PTBP1: variants seen among roughly 807,000 people sequenced by gnomAD.
PTBP1 encodes polypyrimidine tract-binding protein 1.
PTBP1 carries 8 observed loss-of-function variants against 59.8 expected under a neutral mutation model. The ratio of observed to expected loss-of-function variants is 0.13; its 90% CI spans 0.08 to 0.24. PTBP1 has a LOEUF of 0.24. Among genes scored for constraint, PTBP1 ranks in the 10% least tolerant of loss-of-function variants. The pLI is 1.00. For missense variants in PTBP1, 686 were observed against 767.0 expected (o/e 0.89, Z 1.25); for synonymous variants, 490 against 320.7 (o/e 1.53, Z -5.64).
chr19:806,701 C>A, intron 10 of PTBP1, 145 bp downstream of exon 10: 1 of 674,342 alleles, frequency 1.5e-6, no homozygotes, highest in Non-Finnish European at 2.3e-6. Flanking sequence ...AGCGCTGAGA[C>A]CCTCCTTTTC....
rs547205836 is a variant in PTBP1 at position 807,634 on chromosome 19, T to C, written c.1120-235T>C. 88 of 491,868 alleles carry C rather than the reference T, an allele frequency of 1.8e-4. No homozygotes were observed. The Admixed American group carries it at 2.8e-3, about 16-fold the overall frequency. 30.5% of individuals were successfully genotyped at this position (491,868 alleles called of 1,614,324 possible). A position where few individuals can be genotyped will look rare whatever the true frequency, so the allele number is the denominator to read the frequency against. On this transcript the variant is annotated intron_variant, in intron 10 of 14. Transcript: ENST00000356948. ...ACTGCACGGTACTTCTGCTTCCTGT[T>C]GTTGCTTGAAACAAAACAAAAACAT...
In PTBP1 at chr19:805,205, G is replaced by A. The variant is rs373419840; in HGVS notation, c.892+18G>A. On this transcript the variant is annotated intron_variant, in intron 8 of 14. Transcript: ENST00000356948. ...GGCCTTCGGTAAGAGGCTGCCCGAC[G>A]CGGCGCCAGTGTGCAGAGTGGTCTA... The A allele has an allele frequency of 1.1e-4, 177 of 1,611,802 alleles. No homozygotes were observed. Among genetic ancestry groups the A allele is most frequent in the Non-Finnish European group, 7.0e-5 (83 of 1,179,174 alleles).
chr19:800,440 G>A (rs551198206), intron 2 of PTBP1, among the ~76,000 whole-genome samples: 1 of 152,208 alleles, frequency 6.6e-6, no homozygotes, highest in African/African-American at 2.4e-5. Flanking sequence ...ATTCTCGAGG[G>A]AGCTGTAGTC....
chr19:799,306 G>A, intron 1 of PTBP1, 107 bp from the exon 2 acceptor site: 1 of 992,830 alleles, frequency 1.0e-6, no homozygotes, highest in Non-Finnish European at 1.6e-6. Flanking sequence ...CCCTGCGGAG[G>A]TGGCAGCTGC....
rs1200291931 is a variant in PTBP1, at chr19:811,722, C to T, written c.*896C>T. On this transcript the variant is annotated 3_prime_UTR_variant, in exon 15 of 15. Coordinates refer to ENST00000356948, the MANE Select transcript of PTBP1 (RefSeq NM_002819.5). ...GGGAGCCCCGGTCCTATCTTAGAGC[C>T]CCTGAGCTTCAGGGAAGGGGCGGGC... 1 of 152,438 alleles carries T rather than the reference C, an allele frequency of 6.6e-6. No homozygotes were observed. Among genetic ancestry groups the T allele is most frequent in the Non-Finnish European group, 1.5e-5 (1 of 68,050 alleles). The allele number at this position is 152,438 out of a possible 1,614,324, so 9.4% of individuals were successfully genotyped here. A position where few individuals can be genotyped will look rare whatever the true frequency, so the allele number is the denominator to read the frequency against.
intron 2 of PTBP1, among the ~76,000 whole-genome samples, chr19:800,395 C>T (rs1206135587): frequency 6.6e-6 from 1 of 152,142 alleles, no homozygotes; most frequent in South Asian, 2.1e-4. Flanking sequence ...GAAAGGGGGT[C>T]AGAACCTGGA....
intron 13 of PTBP1, among the ~76,000 whole-genome samples, chr19:809,791 T>C (rs1335081701): frequency 1.3e-5 from 2 of 151,980 alleles, no homozygotes; most frequent in East Asian, 1.9e-4. Flanking sequence ...CTCTTCCGGA[T>C]TGGGAGGTTG....
Position 811,585 on chromosome 19 carries a change from C to T in PTBP1, c.*759C>T, listed in dbSNP as rs1476861027. 6.6e-6 allele frequency: 1 copy of T among 152,348 alleles called. No homozygotes were observed. The highest frequency in any genetic ancestry group is 1.5e-5 in the Non-Finnish European group (1 of 68,028). The allele number at this position is 152,348 out of a possible 1,614,324, so 9.4% of individuals were successfully genotyped here. On this transcript the variant is annotated 3_prime_UTR_variant, in exon 15 of 15. Coordinates refer to ENST00000356948, the MANE Select transcript of PTBP1 (RefSeq NM_002819.5). ...AATGGTATGAGTGTAATCTAAACTT[C>T]CTTGTGGTATTACCTTGTATGCTGT...
chr19:806,217 G>A (rs1472408620), intron 9 of PTBP1, 191 bp from the exon 10 acceptor site: 8 of 538,224 alleles, frequency 1.5e-5, no homozygotes, highest in African/African-American at 4.1e-5. Flanking sequence ...AGAGGCGGGC[G>A]CTGGTGCAGG....
In PTBP1 at chr19:808,586, C is replaced by A; in HGVS notation, c.1287C>A (p.Pro429=). 1 of 1,604,622 alleles carries A rather than the reference C, an allele frequency of 6.2e-7. No individual in the cohort carries two copies. Among genetic ancestry groups the A allele is most frequent in the Non-Finnish European group, 8.5e-7 (1 of 1,177,184 alleles). Residue 429 remains proline, a synonymous_variant, in exon 13 of 15, where the codon CCC becomes CCA. Coordinates refer to ENST00000356948, the MANE Select transcript of PTBP1 (RefSeq NM_002819.5). This position sits in a 1 kb window ranked among gnomAD's most constrained non-coding sequence, Gnocchi z 4.7. ...ACGGGCACAAGCTGCACGGGAAGCC[C>A]ATCCGCATCACGCTCTCGAAGCACC... is the stretch of plus-strand genomic sequence containing the variant. ...HLNGHKLHGK[P]IRITLSKHQN... is the part of the protein sequence containing the mutation.
chr19:803,693 G>C (rs895876126), intron 3 of PTBP1, 57 bp downstream of exon 3: 4 of 1,462,654 alleles, frequency 2.7e-6, no homozygotes, highest in African/African-American at 2.8e-5. Flanking sequence ...CTGGAACAAC[G>C]TTACGTTCTT....
At chr19:804,479 C>T (rs773351976) in intron 5 of PTBP1, 41 bp downstream of exon 5, 61 of 1,596,384 alleles carry the variant, frequency 3.8e-5, no homozygotes, top group Admixed American at 2.0e-4. Context: ...CCGGGGACCT[C>T]GGGGGTGGGC....
At chr19:801,509 C>G (rs951639939) in intron 2 of PTBP1, among the ~76,000 whole-genome samples, 4 of 152,234 alleles carry the variant, frequency 2.6e-5, no homozygotes, top group Non-Finnish European at 5.9e-5. Context: ...CCCACCACTC[C>G]AGTCAAAGAC....
rs916862722 is a variant in PTBP1, at chr19:802,578, C to T, written c.40-983C>T. ...ACGGGAGATGGAGGCTCCTTTGTTC[C>T]CTGGGATGGCCCTGTCCTGGGGGGC... On this transcript the variant is annotated intron_variant, in intron 2 of 14. Transcript: ENST00000356948. Among the ~76,000 whole-genome samples, 3 of 152,250 alleles carry T rather than the reference C, an allele frequency of 2.0e-5. No individual in the cohort carries two copies. In the East Asian group the frequency reaches 5.8e-4, roughly 29 times the overall value.
rs2034685578 is a variant in PTBP1, at chr19:808,495, G to C, written c.1246+43G>C. On this transcript the variant is annotated intron_variant, in intron 12 of 14. Coordinates refer to ENST00000356948, the MANE Select transcript of PTBP1 (RefSeq NM_002819.5). The surrounding 1 kb of genome is among the most constrained non-coding windows in gnomAD (Gnocchi z 4.7). ...CCCCGGGGTGGAGGGGGCAGGGGCG[G>C]GGGCTGCGTTCCCTCTCGGGCGCCT... is the stretch of plus-strand genomic sequence containing the variant. The C allele has an allele frequency of 5.8e-6, 9 of 1,558,556 alleles. No individual in the cohort carries two copies. The highest frequency in any genetic ancestry group is 7.8e-6 in the Non-Finnish European group (9 of 1,152,850).
chr19:809,064 A>G (rs1252975967), intron 13 of PTBP1, among the ~76,000 whole-genome samples: 1 of 152,186 alleles, frequency 6.6e-6, no homozygotes, highest in Non-Finnish European at 1.5e-5. Context: ...GCTGGAGTAC[A>G]GTGGAACGAT....
In PTBP1 at chr19:808,421, G is replaced by A; in HGVS notation, c.1215G>A (p.Val405=). The A allele has an allele frequency of 6.2e-7, 1 of 1,607,082 alleles. No homozygotes were observed. Among genetic ancestry groups the A allele is most frequent in the East Asian group, 2.2e-5 (1 of 44,704 alleles). Residue 405 remains valine (V), a synonymous_variant, in exon 12 of 15, where the codon GTG becomes GTA. Coordinates refer to ENST00000356948, the MANE Select transcript of PTBP1 (RefSeq NM_002819.5). The surrounding 1 kb of genome is among the most constrained non-coding windows in gnomAD (Gnocchi z 4.7). ...TCAATAAGAAGGAGAACGCCCTAGT[G>A]CAGATGGCGGACGGCAACCAGGCCC... The part of the protein sequence containing the change: ...ILFNKKENAL[V]QMADGNQAQL...
At position 804,914 on chromosome 19, in the gene PTBP1, C is replaced by T. The variant is rs1318092351; in HGVS notation, c.692C>T (p.Pro231Leu). The T allele has an allele frequency of 6.2e-7, 1 of 1,613,764 alleles. No individual in the cohort carries two copies. The highest frequency in any genetic ancestry group is 8.5e-7 in the Non-Finnish European group (1 of 1,179,882). ...QFQALLQYAD[P>L]VSAQHAKLSL... ...CAGGCCCTGCTGCAGTATGCGGACC[C>T]CGTGAGCGCCCAGCACGCCAAGCTG... The change falls in exon 7 of 15, where the codon CCC (proline) becomes CTC (leucine). Residue 231 changes from proline (P) to leucine (L), a missense_variant. Physicochemically the swap from Pro to Leu is moderately conservative, Grantham distance 98. Transcript: ENST00000356948.
In PTBP1 at chr19:808,269, G is replaced by C. The variant is rs1041172710; in HGVS notation, c.1154-91G>C. The C allele has an allele frequency of 8.1e-6, 9 of 1,112,730 alleles. No homozygotes were observed. The South Asian group carries it at 1.2e-4, about 15-fold the overall frequency. 68.9% of individuals were successfully genotyped at this position (1,112,730 alleles called of 1,614,324 possible). A position where few individuals can be genotyped will look rare whatever the true frequency, so the allele number is the denominator to read the frequency against. On this transcript the variant is annotated intron_variant, in intron 11 of 14. Coordinates refer to ENST00000356948, the MANE Select transcript of PTBP1 (RefSeq NM_002819.5). The surrounding 1 kb of genome is among the most constrained non-coding windows in gnomAD (Gnocchi z 4.7). ...AAGCAAACCCGGCCGGGCTGAGCCG[G>C]GCCTTGTGGGGGTGCGCGGGGCCGG... is the stretch of plus-strand genomic sequence containing the variant.
Sources: gnomAD v4.1 joint callset for allele counts (sites outside exome capture counted in the v4.1 genomes callset) on GRCh38, gnomAD v4.1.1 for gene constraint, Gnocchi (gnomAD v3.1) non-coding constraint, MANE v1.5 for transcripts, NCBI Gene and HGNC (gene_info 2026-07-23, HGNC 2026-07-21) for gene names.